The following HSPA4L variants were observed in gnomAD, a reference collection of about 807,000 sequenced individuals.
The protein encoded by HSPA4L is heat shock 70 kDa protein 4L.
A neutral mutation model predicts 100.3 loss-of-function variants in HSPA4L; 48 were observed. The observed-to-expected ratio is 0.48, with a 90% confidence interval of 0.38 to 0.61. The LOEUF (loss-of-function observed/expected upper bound fraction) is 0.61, where lower values mean the gene tolerates loss of function less well. Ranked by LOEUF, HSPA4L falls within the 20% of genes least tolerant of loss-of-function variation. The pLI is 0.00. For synonymous variants in HSPA4L, 319 were observed against 328.2 expected (o/e 0.97, Z 0.30); for missense variants, 886 against 988.6 (o/e 0.90, Z 1.39).
At chr4:127,784,574 A>G (rs979621139) in intron 1 of HSPA4L, among the ~76,000 whole-genome samples, 9 of 152,194 alleles carry the variant, frequency 5.9e-5, no homozygotes, top group African/African-American at 2.2e-4. Context: ...AAGTGAAAGG[A>G]TATTCTCACT....
At chr4:127,792,680 G>A (rs1732910537) in intron 1 of HSPA4L, among the ~76,000 whole-genome samples, 1 of 152,112 alleles carries the variant, frequency 6.6e-6, no homozygotes, top group East Asian at 1.9e-4. Context: ...TCTGGCTTCT[G>A]GTACTGAGAT....
intron 16 of HSPA4L, 80 bp downstream of exon 16, chr4:127,823,704 C>A: frequency 1.3e-6 from 1 of 769,540 alleles, no homozygotes; most frequent in Non-Finnish European, 2.1e-6. Context: ...AGTTTATGTT[C>A]TATTAATTTT....
Position 127,833,043 on chromosome 4 carries a change from C to T in HSPA4L, c.*169C>T. 2.2e-6 allele frequency: 1 copy of T among 464,262 alleles called. No homozygotes were observed. The highest frequency in any genetic ancestry group is 3.8e-6 in the Non-Finnish European group (1 of 266,384). 28.8% of individuals were successfully genotyped at this position (464,262 alleles called of 1,614,324 possible). On this transcript the variant is annotated 3_prime_UTR_variant, in exon 19 of 19. Coordinates refer to ENST00000296464, the MANE Select transcript of HSPA4L (RefSeq NM_014278.4). ...ATATTGAGTGCACTTCTGTTCATTTCCATTGCTGCTTATATGCAGTGTTAG... is the reference window on the plus strand; with the variant it reads ...ATATTGAGTGCACTTCTGTTCATTTTCATTGCTGCTTATATGCAGTGTTAG...
At chr4:127,783,418 G>C (rs1732624827) in intron 1 of HSPA4L, 3 of 1,143,864 alleles carry the variant, frequency 2.6e-6, no homozygotes, top group Non-Finnish European at 3.4e-6. Flanking sequence ...TGCCGGAGTC[G>C]GGGGCAGCTG....
chr4:127,800,347 A>G (rs1429185287), intron 4 of HSPA4L, among the ~76,000 whole-genome samples: 6 of 152,082 alleles, frequency 3.9e-5, no homozygotes, highest in Non-Finnish European at 8.8e-5. Context: ...ACACACCTGT[A>G]GTCTCAGCTA....
At chr4:127,789,729 A>G (rs1560650791) in intron 1 of HSPA4L, among the ~76,000 whole-genome samples, 1 of 152,186 alleles carries the variant, frequency 6.6e-6, no homozygotes, top group Non-Finnish European at 1.5e-5. Flanking sequence ...AATACAAAGT[A>G]TAATATAGAT....
In HSPA4L at chr4:127,801,922, A is replaced by C; in HGVS notation, c.663+4A>C. 6.3e-7 allele frequency: 1 copy of C among 1,592,844 alleles called. No individual in the cohort carries two copies. The highest frequency in any genetic ancestry group is 8.6e-7 in the Non-Finnish European group (1 of 1,169,232). On this transcript the variant is annotated splice_donor_region_variant and intron_variant, in intron 6 of 18. Transcript: ENST00000296464. Reference sequence around the variant, plus strand: ...TTTTAACAAAGGAAAACTTAAAGTAAGTAAACACATGGTTTGTTATATTTA... The same window carrying C: ...TTTTAACAAAGGAAAACTTAAAGTACGTAAACACATGGTTTGTTATATTTA...
Position 127,818,394 on chromosome 4 carries a change from A to G in HSPA4L, c.1648A>G (p.Ile550Val). 5.6e-6 allele frequency: 9 copies of G among 1,608,724 alleles called. No individual in the cohort carries two copies. The highest frequency in any genetic ancestry group is 7.6e-6 in the Non-Finnish European group (9 of 1,176,856). ...CHAEHTPEEEIDHTGAKTKSA... is the reference protein window; with the variant it reads ...CHAEHTPEEEVDHTGAKTKSA... ...TGCTGAACACACTCCAGAAGAGGAA[A>G]TTGATCATACAGGAGCCAAAACAAA... is the stretch of plus-strand genomic sequence containing the variant. Residue 550 changes from isoleucine to valine, a missense_variant, in exon 13 of 19, where the codon ATT becomes GTT. Physicochemically the swap from Ile to Val is conservative, Grantham distance 29 (BLOSUM62 3). Transcript: ENST00000296464.
At chr4:127,783,413 G>C (rs929701629) in intron 1 of HSPA4L, 105 of 1,100,282 alleles carry the variant, frequency 9.5e-5, no homozygotes, top group South Asian at 2.2e-4. Context: ...TGAATTGCCG[G>C]AGTCGGGGGC....
chr4:127,826,668 T>G (rs372284501), intron 16 of HSPA4L, among the ~76,000 whole-genome samples: 1 of 152,180 alleles, frequency 6.6e-6, no homozygotes, highest in African/African-American at 2.4e-5. Flanking sequence ...TCTGTAAATC[T>G]AAAACTGTTC....
At position 127,801,140 on chromosome 4, in the gene HSPA4L, T is replaced by C. The variant is rs1733164992; in HGVS notation, c.432T>C (p.Ile144=). Residue 144 remains isoleucine (I), a splice_region_variant and synonymous_variant, in exon 5 of 19, where the codon ATT becomes ATC. Transcript: ENST00000296464. ...TAACTGTTGTTTTTAAATACTAGAT[T>C]CCTAGCTTTTTTACTGATGCCGAGA... is the stretch of plus-strand genomic sequence containing the variant. ...KKPVADCVIS[I]PSFFTDAERR... is the part of the protein sequence containing the mutation. 7 of 1,606,366 alleles carry C rather than the reference T, an allele frequency of 4.4e-6. No homozygotes were observed. The East Asian group carries it at 1.6e-4, about 36-fold the overall frequency.
intron 16 of HSPA4L, among the ~76,000 whole-genome samples, chr4:127,824,310 T>C (rs1012201181): frequency 5.3e-5 from 8 of 152,224 alleles, no homozygotes; most frequent in African/African-American, 1.9e-4. Flanking sequence ...ACATGGAGTT[T>C]AGATATCTCT....
chr4:127,832,510 A>C (rs1486381892), intron 18 of HSPA4L, among the ~76,000 whole-genome samples, 173 bp from the exon 19 acceptor site: 1 of 152,214 alleles, frequency 6.6e-6, no homozygotes, highest in African/African-American at 2.4e-5. Flanking sequence ...ATATACTAAC[A>C]AACAAGGTAA....
chr4:127,805,287 G>A, intron 9 of HSPA4L, 63 bp downstream of exon 9: 2 of 1,316,854 alleles, frequency 1.5e-6, no homozygotes, highest in South Asian at 2.9e-5. Context: ...TAGATCCAAA[G>A]GGGCCTTTTA....
chr4:127,824,900 G>T (rs1733903701), intron 16 of HSPA4L, among the ~76,000 whole-genome samples: 1 of 152,186 alleles, frequency 6.6e-6, no homozygotes, highest in Non-Finnish European at 1.5e-5. Flanking sequence ...ACTTTGGGAG[G>T]CCGAGGCGGG....
At chr4:127,807,882 G>C in intron 10 of HSPA4L, 114 bp from the exon 11 acceptor site, 1 of 997,872 alleles carries the variant, frequency 1.0e-6, no homozygotes, top group Non-Finnish European at 1.5e-6. Flanking sequence ...CTTTTTATTT[G>C]TGCAGAGATT....
At chr4:127,791,306 G>A (rs553871109) in intron 1 of HSPA4L, among the ~76,000 whole-genome samples, 1 of 152,274 alleles carries the variant, frequency 6.6e-6, no homozygotes, top group South Asian at 2.1e-4. Context: ...CCCATTGGAA[G>A]AAGAAGAATT....
Position 127,802,513 on chromosome 4 carries a change from T to C in HSPA4L, c.663+595T>C, listed in dbSNP as rs1733218316. 2.0e-5 allele frequency among the ~76,000 whole-genome samples: 3 copies of C among 152,182 alleles called. No homozygotes were observed. In the South Asian group the frequency reaches 6.2e-4, roughly 32 times the overall value. ...AATAGCATCTTTGTAATCAAAAAATTAAAGGGAAATGACTCAGACTGAATA... is the reference window on the plus strand; with the variant it reads ...AATAGCATCTTTGTAATCAAAAAATCAAAGGGAAATGACTCAGACTGAATA... On this transcript the variant is annotated intron_variant, in intron 6 of 18. Transcript: ENST00000296464.
chr4:127,819,484 G>A (rs1162505357), intron 13 of HSPA4L, among the ~76,000 whole-genome samples: 1 of 151,984 alleles, frequency 6.6e-6, no homozygotes, highest in Non-Finnish European at 1.5e-5. Flanking sequence ...TTTAATTGTT[G>A]AACAGCTTTA....
Sources: allele counts gnomAD v4.1 joint callset (sites outside exome capture counted in the v4.1 genomes callset), GRCh38; gene constraint gnomAD v4.1.1; transcripts MANE v1.5; gene names NCBI Gene and HGNC (gene_info 2026-07-23, HGNC 2026-07-21).